Variants in RANBP10 observed in about 807,000 individuals in gnomAD.
RANBP10 encodes ran-binding protein 10.
A neutral mutation model predicts 72.8 loss-of-function variants in RANBP10; 24 were observed. That is an observed-to-expected ratio of 0.33 (90% CI 0.24 to 0.46). The LOEUF (loss-of-function observed/expected upper bound fraction) is 0.46, where lower values mean the gene tolerates loss of function less well. Among genes scored for constraint, RANBP10 ranks in the 20% least tolerant of loss-of-function variants. The pLI is 1.00. For synonymous variants in RANBP10, 310 were observed against 322.3 expected, an observed-to-expected ratio of 0.96 and a Z score of 0.41; for missense variants, 679 against 817.5, an observed-to-expected ratio of 0.83 and a Z score of 2.07.
intron 3 of RANBP10, among the ~76,000 whole-genome samples, chr16:67,767,588 C>G (rs2143011463): frequency 6.6e-6 from 1 of 151,368 alleles, no homozygotes; most frequent in South Asian, 2.1e-4. Flanking sequence ...ACAGGGAGAC[C>G]TTGTCTCTAC....
chr16:67,733,830 A>T (rs2053784271), intron 6 of RANBP10, among the ~76,000 whole-genome samples: 1 of 152,100 alleles, frequency 6.6e-6, no homozygotes, highest in Non-Finnish European at 1.5e-5. Flanking sequence ...CAAAACAAAA[A>T]CACATCCATG....
chr16:67,743,979 G>C (rs1039830208), intron 4 of RANBP10, among the ~76,000 whole-genome samples: 1 of 152,122 alleles, frequency 6.6e-6, no homozygotes, highest in Non-Finnish European at 1.5e-5. Context: ...CCTATGCAAG[G>C]GTTCCCCAAA....
chr16:67,787,163 C>T (rs971553450), intron 2 of RANBP10, among the ~76,000 whole-genome samples: 5 of 152,076 alleles, frequency 3.3e-5, no homozygotes, highest in South Asian at 2.1e-4. Flanking sequence ...CACTTGAACC[C>T]GGGAGGCAAA....
chr16:67,726,616 A>G (rs2053606719), intron 13 of RANBP10, 58 bp from the exon 14 acceptor site: 7 of 1,507,504 alleles, frequency 4.6e-6, no homozygotes, highest in African/African-American at 1.4e-5. Flanking sequence ...GCCCAGGTCA[A>G]AGTTCCCTTG....
At chr16:67,736,308 T>G (rs2053847138) in intron 5 of RANBP10, among the ~76,000 whole-genome samples, 1 of 152,032 alleles carries the variant, frequency 6.6e-6, no homozygotes, top group African/African-American at 2.4e-5. Flanking sequence ...ATTACAGGCA[T>G]GCGCCACCAC....
chr16:67,785,589 A>G (rs1206507479), intron 2 of RANBP10, among the ~76,000 whole-genome samples: 6 of 151,358 alleles, frequency 4.0e-5, no homozygotes, highest in African/African-American at 1.5e-4. Context: ...TTAGCCAGGT[A>G]TGGTGGTCCA....
intron 3 of RANBP10, among the ~76,000 whole-genome samples, chr16:67,759,292 C>G (rs915016567): frequency 6.6e-6 from 1 of 152,208 alleles, no homozygotes; most frequent in African/African-American, 2.4e-5. Context: ...AAGGCAGCAC[C>G]AGGTACACAA....
At chr16:67,757,147 G>A (rs931863617) in intron 3 of RANBP10, among the ~76,000 whole-genome samples, 3 of 152,214 alleles carry the variant, frequency 2.0e-5, no homozygotes, top group Non-Finnish European at 2.9e-5. Flanking sequence ...GGCAGAGGTT[G>A]CGGTGAGCCA....
In RANBP10 at chr16:67,731,594, AG is replaced by A; in HGVS notation, c.777-11del. On this transcript the variant is annotated splice_polypyrimidine_tract_variant and intron_variant, in intron 6 of 13. Transcript: ENST00000317506. ...GTAAGATGAAACCATGCTAGAAGAA[AG>A]GAAGAGCTTCAGGTGACACTCAAGA... 1 of 1,605,078 alleles carries A rather than the reference AG, an allele frequency of 6.2e-7. No individual in the cohort carries two copies.
At chr16:67,760,537 T>C (rs1389833261) in intron 3 of RANBP10, among the ~76,000 whole-genome samples, 1 of 152,204 alleles carries the variant, frequency 6.6e-6, no homozygotes, top group Non-Finnish European at 1.5e-5. Context: ...AGGACCATCC[T>C]GTGGAAGCAA....
intron 2 of RANBP10, among the ~76,000 whole-genome samples, chr16:67,785,325 G>A (rs929252334): frequency 6.6e-5 from 10 of 152,094 alleles, no homozygotes; most frequent in Non-Finnish European, 1.3e-4. Flanking sequence ...AGAAGAAAGC[G>A]TAAGGGTAAA....
chr16:67,749,462 A>G (rs966606935), intron 3 of RANBP10, among the ~76,000 whole-genome samples: 1 of 152,124 alleles, frequency 6.6e-6, no homozygotes, highest in Non-Finnish European at 1.5e-5. Flanking sequence ...GCTGCTTGAG[A>G]CTGGCTTTAG....
intron 3 of RANBP10, among the ~76,000 whole-genome samples, chr16:67,761,122 C>T (rs1262163860): frequency 6.6e-6 from 1 of 152,212 alleles, no homozygotes; most frequent in Non-Finnish European, 1.5e-5. Flanking sequence ...GGGCCACACC[C>T]GTTCCTTGGT....
At chr16:67,778,415 T>C (rs903812621) in intron 2 of RANBP10, among the ~76,000 whole-genome samples, 4 of 151,996 alleles carry the variant, frequency 2.6e-5, no homozygotes, top group African/African-American at 9.7e-5. Context: ...TCAAAATGGA[T>C]CAAAGACCTA....
chr16:67,802,076 C>T (rs2055244112), intron 2 of RANBP10, among the ~76,000 whole-genome samples: 1 of 143,830 alleles, frequency 7.0e-6, no homozygotes, highest in Non-Finnish European at 1.5e-5. Flanking sequence ...GCCTGAGCAA[C>T]AGAGCGAGAC....
At chr16:67,781,544 G>C (rs1174609134) in intron 2 of RANBP10, among the ~76,000 whole-genome samples, 1 of 152,144 alleles carries the variant, frequency 6.6e-6, no homozygotes, top group African/African-American at 2.4e-5. Flanking sequence ...CTATGACACA[G>C]GTGAAAGTAA....
intron 3 of RANBP10, among the ~76,000 whole-genome samples, chr16:67,760,624 C>A (rs2143009899): frequency 6.6e-6 from 1 of 152,336 alleles, no homozygotes; most frequent in African/African-American, 2.4e-5. Context: ...GGAGGTATGT[C>A]CCCTATCCCC....
intron 3 of RANBP10, among the ~76,000 whole-genome samples, chr16:67,749,832 T>G (rs1336306108): frequency 1.3e-5 from 2 of 152,160 alleles, no homozygotes; most frequent in Admixed American, 1.3e-4. Context: ...GGTGGCCAGC[T>G]GGACAGCAGT....
intron 3 of RANBP10, among the ~76,000 whole-genome samples, chr16:67,749,070 C>T (rs1400573894): frequency 6.6e-6 from 1 of 151,980 alleles, no homozygotes; most frequent in Non-Finnish European, 1.5e-5. Context: ...CGTGAATAGG[C>T]GAGGGCACAG....
Sources: gnomAD v4.1 joint callset for allele counts (sites outside exome capture counted in the v4.1 genomes callset) on GRCh38, gnomAD v4.1.1 for gene constraint, MANE v1.5 for transcripts, NCBI Gene and HGNC (gene_info 2026-07-23, HGNC 2026-07-21) for gene names.